The following HLTF variants were observed in gnomAD, a reference collection of about 807,000 sequenced individuals.
The protein encoded by HLTF is DNA-dependent ATPase/E3 ubiquitin-protein ligase HLTF.
A neutral mutation model predicts 129.4 loss-of-function variants in HLTF; 127 were observed. The ratio of observed to expected loss-of-function variants is 0.98; its 90% CI spans 0.85 to 1.14. The LOEUF (loss-of-function observed/expected upper bound fraction) is 1.14. HLTF is among the 50% of genes most tolerant of loss of function. The pLI is 0.00. For synonymous variants in HLTF, 332 were observed against 388.8 expected, an observed-to-expected ratio of 0.85 and a Z score of 1.72; for missense variants, 1,139 against 1,187.1, an observed-to-expected ratio of 0.96 and a Z score of 0.60.
chr3:149,059,468 C>G (rs1717736281), intron 13 of HLTF: 1 of 488,646 alleles, frequency 2.0e-6, no homozygotes, highest in Admixed American at 3.3e-5. Flanking sequence ...GAAGAAATAT[C>G]TCTGCTATTC....
In HLTF at chr3:149,047,776, AAC is replaced by A. The variant is rs1355821289; in HGVS notation, c.1892+250_1892+251del. ...TGGTTTTGGGGCTTTGGGGCTTAGCAACACACAAAAAACAGTTATGTCTTTCC... is the reference window on the plus strand; with the variant it reads ...TGGTTTTGGGGCTTTGGGGCTTAGCAACACAAAAAACAGTTATGTCTTTCC... On this transcript the variant is annotated intron_variant, in intron 17 of 24. Coordinates refer to ENST00000310053, the MANE Select transcript of HLTF (RefSeq NM_003071.4). Among the ~76,000 whole-genome samples the A allele has an allele frequency of 2.0e-5, 3 of 152,188 alleles. No individual in the cohort carries two copies. In the East Asian group the frequency reaches 5.8e-4, roughly 29 times the overall value.
intron 2 of HLTF, among the ~76,000 whole-genome samples, chr3:149,079,514 C>A (rs199860917): frequency 1.3e-5 from 1 of 74,678 alleles, no homozygotes; most frequent in South Asian, 3.9e-4. Flanking sequence ...AGGTATACTA[C>A]ATATATAAAG....
Position 149,074,130 on chromosome 3 carries a change from C to T in HLTF, c.529+85G>A, listed in dbSNP as rs376569882. On this transcript the variant is annotated intron_variant, in intron 4 of 24. Transcript: ENST00000310053. The stretch of plus-strand genomic sequence containing the variant: ...CTTGGAGCCTTGAGCACAAATTAGC[C>T]AACAAACTCCAAGAGAGAATAAATG... The T allele has an allele frequency of 1.3e-5, 17 of 1,343,132 alleles. No individual in the cohort carries two copies. The African/African-American group carries it at 2.3e-4, about 18-fold the overall frequency. 83.2% of individuals were successfully genotyped at this position (1,343,132 alleles called of 1,614,324 possible). A position where few individuals can be genotyped will look rare whatever the true frequency, so the allele number is the denominator to read the frequency against.
chr3:149,082,141 A>T (rs1346731080), intron 2 of HLTF, among the ~76,000 whole-genome samples: 2 of 152,236 alleles, frequency 1.3e-5, no homozygotes, highest in African/African-American at 2.4e-5. Context: ...GTTCTAGAAT[A>T]GGCAAAACTT....
intron 18 of HLTF, among the ~76,000 whole-genome samples, chr3:149,043,272 A>T (rs182198536): frequency 6.6e-6 from 1 of 152,020 alleles, no homozygotes; most frequent in East Asian, 1.9e-4. Context: ...AAGACTAGTC[A>T]CTGATAAAAA....
intron 24 of HLTF, among the ~76,000 whole-genome samples, chr3:149,034,260 ACTTGCAT>A (rs1276885863): frequency 1.3e-5 from 2 of 152,218 alleles, no homozygotes; most frequent in Non-Finnish European, 2.9e-5. Context: ...CCAAAGAATT[ACTTGCAT>A]CTATGTGAAA....
In HLTF at chr3:149,046,065, T is replaced by A. The variant is rs1181144946; in HGVS notation, c.2072+15A>T. 3 of 1,577,254 alleles carry A rather than the reference T, an allele frequency of 1.9e-6. No individual in the cohort carries two copies. Among genetic ancestry groups the A allele is most frequent in the Non-Finnish European group, 8.6e-7 (1 of 1,164,050 alleles). On this transcript the variant is annotated intron_variant, in intron 18 of 24. Coordinates refer to ENST00000310053, the MANE Select transcript of HLTF (RefSeq NM_003071.4). ...AACAAAAACTAATTTTTAACATGGT[T>A]TTCTTTCTCCATACCTTCCAATAGT... is the stretch of plus-strand genomic sequence containing the variant.
intron 23 of HLTF, among the ~76,000 whole-genome samples, chr3:149,036,073 G>T (rs1476467990): frequency 1.3e-5 from 2 of 150,182 alleles, no homozygotes; most frequent in African/African-American, 2.4e-5. Context: ...AGGCGGAGCT[G>T]GCAGTGAGCC....
In HLTF at chr3:149,064,858, A is replaced by G; in HGVS notation, c.999T>C (p.Asn333=). 2.5e-6 allele frequency: 4 copies of G among 1,584,258 alleles called. No individual in the cohort carries two copies. Among genetic ancestry groups the G allele is most frequent in the Non-Finnish European group, 3.5e-6 (4 of 1,153,900 alleles). The change falls in exon 9 of 25, where the codon AAT becomes AAC. Residue 333 remains asparagine, a synonymous_variant. Transcript: ENST00000310053. ...VKKNLLKKEY[N]VNDDSMKLGG... Reference sequence around the variant, plus strand: ...CAAGTTTCATAGAGTCATCGTTAACATTATATTCCTGGGTAAATAGGCATA... The same window carrying G: ...CAAGTTTCATAGAGTCATCGTTAACGTTATATTCCTGGGTAAATAGGCATA...
At position 149,046,060 on chromosome 3, in the gene HLTF, A is replaced by T; in HGVS notation, c.2072+20T>A. The T allele has an allele frequency of 6.4e-7, 1 of 1,567,350 alleles. No individual in the cohort carries two copies. Among genetic ancestry groups the T allele is most frequent in the South Asian group, 1.2e-5 (1 of 84,132 alleles). ...AAGTAAACAAAAACTAATTTTTAAC[A>T]TGGTTTTCTTTCTCCATACCTTCCA... On this transcript the variant is annotated intron_variant, in intron 18 of 24. Coordinates refer to ENST00000310053, the MANE Select transcript of HLTF (RefSeq NM_003071.4).
Position 149,039,054 on chromosome 3 carries a change from C to T in HLTF, c.2791G>A (p.Asp931Asn). 6.5e-7 allele frequency: 1 copy of T among 1,537,730 alleles called. No individual in the cohort carries two copies. The stretch of plus-strand genomic sequence containing the variant: ...AAATTTACAGAACTACTTACTGGAT[C>T]CATTAAAAACACTCGAGAAGCTGCA... ...LSAASRVFLMDPAWNPAAEDQ... is the reference protein window; with the variant it reads ...LSAASRVFLMNPAWNPAAEDQ... The change falls in exon 23 of 25, where the codon GAT becomes AAT. Residue 931 changes from aspartate (D) to asparagine (N), a missense_variant. Coordinates refer to ENST00000310053, the MANE Select transcript of HLTF (RefSeq NM_003071.4).
chr3:149,084,160 C>G (rs1720129315), intron 2 of HLTF, among the ~76,000 whole-genome samples: 1 of 152,092 alleles, frequency 6.6e-6, no homozygotes, highest in East Asian at 1.9e-4. Flanking sequence ...GAAATATTGT[C>G]TCTTCCTAAG....
At chr3:149,065,222 A>G (rs995096883) in intron 8 of HLTF, among the ~76,000 whole-genome samples, 8 of 152,200 alleles carry the variant, frequency 5.3e-5, no homozygotes, top group Non-Finnish European at 2.9e-5. Flanking sequence ...AACTTTTCAA[A>G]CCAATGTTCC....
At chr3:149,077,141 G>A (rs904671884) in intron 2 of HLTF, among the ~76,000 whole-genome samples, 4 of 151,880 alleles carry the variant, frequency 2.6e-5, no homozygotes, top group African/African-American at 4.8e-5. Flanking sequence ...CTAGCTACTC[G>A]GGAGGCTGAG....
At chr3:149,082,633 T>C (rs888233506) in intron 2 of HLTF, among the ~76,000 whole-genome samples, 2 of 152,202 alleles carry the variant, frequency 1.3e-5, no homozygotes, top group African/African-American at 4.8e-5. Flanking sequence ...GGATCATACA[T>C]TTAAAATATG....
chr3:149,051,454 A>G (rs905734108), intron 14 of HLTF, among the ~76,000 whole-genome samples: 2 of 152,212 alleles, frequency 1.3e-5, no homozygotes, highest in African/African-American at 4.8e-5. Context: ...GAAATTTCCT[A>G]AAGAGAGCAT....
Position 149,043,367 on chromosome 3 carries a change from T to TGGAA in HLTF, c.2073-1081_2073-1078dup, listed in dbSNP as rs572589877. Among the ~76,000 whole-genome samples the TGGAA allele has an allele frequency of 2.9e-3, 444 of 151,284 alleles. 1 individual carries two copies. The highest frequency in any genetic ancestry group is 4.9e-3 in the Admixed American group (75 of 15,218). On this transcript the variant is annotated intron_variant, in intron 18 of 24. Transcript: ENST00000310053. ...AAGATCAGAAATAAAATGATACCTA[T>TGGAA]GGAACACAGATAAAAGACATCTAAC...
At chr3:149,081,430 G>C (rs577852183) in intron 2 of HLTF, among the ~76,000 whole-genome samples, 1 of 151,896 alleles carries the variant, frequency 6.6e-6, no homozygotes, top group Admixed American at 6.6e-5. Flanking sequence ...TGCTCAAATC[G>C]CAAGTCCAAC....
intron 13 of HLTF, among the ~76,000 whole-genome samples, chr3:149,056,919 C>CT (rs1441020770): frequency 3.3e-5 from 5 of 151,116 alleles, no homozygotes; most frequent in African/African-American, 1.2e-4. Flanking sequence ...ACCATCCTGG[C>CT]TAACACGGTG....
Sources: gnomAD v4.1 joint callset for allele counts (sites outside exome capture counted in the v4.1 genomes callset) on GRCh38, gnomAD v4.1.1 for gene constraint, MANE v1.5 for transcripts, NCBI Gene and HGNC (gene_info 2026-07-23, HGNC 2026-07-21) for gene names.